The following GSK3B variants were observed in gnomAD, a reference collection of about 807,000 sequenced individuals.
GSK3B encodes glycogen synthase kinase 3 beta.
Under a neutral mutation model 56.4 loss-of-function variants are expected in GSK3B, and 15 were observed. The observed-to-expected ratio is 0.27, with a 90% CI of 0.18 to 0.41. The LOEUF (loss-of-function observed/expected upper bound fraction) is 0.41. Ranked by LOEUF, GSK3B falls within the 10% of genes least tolerant of loss-of-function variation. The pLI is 1.00. For synonymous variants in GSK3B, 181 were observed against 188.9 expected, an observed-to-expected ratio of 0.96 and a Z score of 0.34; for missense variants, 300 against 513.4, an observed-to-expected ratio of 0.58 and a Z score of 4.02.
At chr3:119,831,176 A>G (rs565676837) in intron 10 of GSK3B, among the ~76,000 whole-genome samples, 1 of 152,350 alleles carries the variant, frequency 6.6e-6, no homozygotes, top group South Asian at 2.1e-4. Context: ...GCTAACAAGT[A>G]GGGGAGTGGA....
intron 1 of GSK3B, among the ~76,000 whole-genome samples, chr3:120,009,086 C>T (rs1227104428): frequency 6.6e-6 from 1 of 152,126 alleles, no homozygotes; most frequent in Non-Finnish European, 1.5e-5. Context: ...TGAAAAAATG[C>T]TCATCGTCAC....
intron 10 of GSK3B, chr3:119,833,022 T>A (rs2108000450): frequency 1.0e-6 from 1 of 965,512 alleles, no homozygotes; most frequent in Non-Finnish European, 1.2e-6. Context: ...GAGTCATGGA[T>A]TAATGGTCAA....
intron 8 of GSK3B, among the ~76,000 whole-genome samples, chr3:119,871,729 T>C (rs1249154911): frequency 2.0e-5 from 3 of 152,104 alleles, no homozygotes; most frequent in Non-Finnish European, 2.9e-5. Context: ...CAGAAATGAA[T>C]GTGGCTTCTC....
intron 8 of GSK3B, among the ~76,000 whole-genome samples, chr3:119,872,686 T>C (rs531071545): frequency 1.3e-5 from 2 of 152,294 alleles, no homozygotes; most frequent in African/African-American, 4.8e-5. Flanking sequence ...GAAAACTCCA[T>C]TGGAGTGCTA....
chr3:119,862,850 C>T (rs1320022971), intron 9 of GSK3B, among the ~76,000 whole-genome samples: 1 of 152,002 alleles, frequency 6.6e-6, no homozygotes, highest in Non-Finnish European at 1.5e-5. Context: ...TCCCAGAAAC[C>T]ACAATGCACA....
intron 1 of GSK3B, among the ~76,000 whole-genome samples, chr3:120,074,163 G>A (rs1341638986): frequency 6.6e-6 from 1 of 151,830 alleles, no homozygotes. Context: ...AAATTAGCTG[G>A]GCGTTGTAGC....
intron 3 of GSK3B, among the ~76,000 whole-genome samples, chr3:119,932,398 G>A (rs1421198056): frequency 6.6e-6 from 1 of 152,026 alleles, no homozygotes; most frequent in Admixed American, 6.6e-5. Flanking sequence ...TTGAGAGGCT[G>A]TGGGAAGGAA....
intron 1 of GSK3B, chr3:120,030,002 T>C (rs1339234806): frequency 2.4e-6 from 1 of 418,478 alleles, no homozygotes; most frequent in African/African-American, 2.0e-5. Context: ...TGTTTTCAGC[T>C]GTGTCCCCCA....
intron 1 of GSK3B, among the ~76,000 whole-genome samples, chr3:120,072,410 C>T (rs987330810): frequency 6.6e-6 from 1 of 152,072 alleles, no homozygotes. Context: ...TGGTAGAGAA[C>T]AACCAGTCTC....
At chr3:119,875,558 C>T (rs2056302574) in intron 8 of GSK3B, among the ~76,000 whole-genome samples, 1 of 150,292 alleles carries the variant, frequency 6.7e-6, no homozygotes, top group African/African-American at 2.5e-5. Context: ...GAAGTTTAAT[C>T]CCGGCTTTGT....
At chr3:119,969,076 G>A (rs2057343730) in intron 2 of GSK3B, among the ~76,000 whole-genome samples, 1 of 152,126 alleles carries the variant, frequency 6.6e-6, no homozygotes, top group Non-Finnish European at 1.5e-5. Context: ...TGGATCACCT[G>A]AGGTCAGGAG....
intron 3 of GSK3B, among the ~76,000 whole-genome samples, chr3:119,939,067 T>C (rs2057022634): frequency 6.6e-6 from 1 of 151,724 alleles, no homozygotes. Context: ...AGAGAAGCTT[T>C]TGGGGCTAAA....
At chr3:119,902,424 A>C (rs895432726) in intron 7 of GSK3B, among the ~76,000 whole-genome samples, 16 of 152,252 alleles carry the variant, frequency 1.1e-4, no homozygotes, top group African/African-American at 3.6e-4. Context: ...TATTTGTGAC[A>C]GAGTCTGACT....
At chr3:119,929,667 C>A (rs1322426030) in intron 3 of GSK3B, among the ~76,000 whole-genome samples, 1 of 152,056 alleles carries the variant, frequency 6.6e-6, no homozygotes, top group African/African-American at 2.4e-5. Flanking sequence ...CTTTGGCAGG[C>A]CGAGGTGGGC....
intron 3 of GSK3B, among the ~76,000 whole-genome samples, chr3:119,936,473 A>G (rs2056996231): frequency 1.3e-5 from 2 of 150,904 alleles, no homozygotes; most frequent in Admixed American, 1.3e-4. Context: ...CGGCCTCCTG[A>G]GTAGCTGGGA....
Position 120,093,353 on chromosome 3 carries a change from C to T in GSK3B, c.82G>A (p.Val28Ile). 6.2e-7 allele frequency: 1 copy of T among 1,610,666 alleles called. No homozygotes were observed. Among genetic ancestry groups the T allele is most frequent in the Non-Finnish European group, 8.5e-7 (1 of 1,176,842 alleles). Reference protein sequence around the residue: ...QQPSAFGSMKVSRDKDGSKVT... With the variant: ...QQPSAFGSMKISRDKDGSKVT... ...AAATAAAACCAATACTCACTGCTAA[C>T]TTTCATGCTGCCAAAAGCTGAAGGC... Residue 28 changes from valine (V) to isoleucine (I), a missense_variant, in exon 1 of 11, where the codon GTT becomes ATT. Coordinates refer to ENST00000264235, the MANE Select transcript of GSK3B (RefSeq NM_001146156.2).
At chr3:120,028,121 C>T (rs2057943196) in intron 1 of GSK3B, among the ~76,000 whole-genome samples, 1 of 152,140 alleles carries the variant, frequency 6.6e-6, no homozygotes, top group Admixed American at 6.5e-5. Context: ...TTATATTCAG[C>T]ACAGAAAAGA....
At chr3:119,978,071 G>A (rs929019311) in intron 2 of GSK3B, among the ~76,000 whole-genome samples, 1 of 152,092 alleles carries the variant, frequency 6.6e-6, no homozygotes, top group Non-Finnish European at 1.5e-5. Context: ...TCACCATCTT[G>A]AACAAGCCCC....
intron 3 of GSK3B, among the ~76,000 whole-genome samples, chr3:119,926,480 T>C (rs1232816120): frequency 6.6e-6 from 1 of 152,190 alleles, no homozygotes; most frequent in African/African-American, 2.4e-5. Context: ...CAAGCTACTA[T>C]CACCTTTCAC....
Sources: gnomAD v4.1 joint callset for allele counts (sites outside exome capture counted in the v4.1 genomes callset) on GRCh38, gnomAD v4.1.1 for gene constraint, MANE v1.5 for transcripts, NCBI Gene and HGNC (gene_info 2026-07-23, HGNC 2026-07-21) for gene names.